The following RIGI variants were observed in gnomAD, a reference collection of about 807,000 sequenced individuals.
RIGI encodes the protein antiviral innate immune response receptor RIG-I.
At chr9:32,501,094 G>A in the RIGI span, among the ~76,000 whole-genome samples, 111 of 152,126 alleles carry the variant, frequency 7.3e-4, no homozygotes, top group African/African-American at 2.6e-3. Flanking sequence ...CAAAACCTCT[G>A]CCCAGGCCGA....
the RIGI span, among the ~76,000 whole-genome samples, chr9:32,506,318 C>T: frequency 6.6e-6 from 1 of 152,120 alleles, no homozygotes; most frequent in Non-Finnish European, 1.5e-5. Flanking sequence ...CTGTACTAAC[C>T]CTCCATCGAT....
chr9:32,465,797 A>C, the RIGI span, among the ~76,000 whole-genome samples: 7 of 152,226 alleles, frequency 4.6e-5, no homozygotes, highest in Non-Finnish European at 2.9e-5. Flanking sequence ...GACTTTCTCC[A>C]ATCTGATTTC....
At chr9:32,486,649 A>G in the RIGI span, among the ~76,000 whole-genome samples, 3 of 152,074 alleles carry the variant, frequency 2.0e-5, no homozygotes, top group Non-Finnish European at 4.4e-5. Context: ...AGTGATGTAC[A>G]AAGGAAGCAC....
chr9:32,464,338 T>C, the RIGI span, among the ~76,000 whole-genome samples: 1 of 152,246 alleles, frequency 6.6e-6, no homozygotes, highest in South Asian at 2.1e-4. Flanking sequence ...TAATTCCCTT[T>C]AGTCTTAAGA....
chr9:32,491,063 A>T, the RIGI span, among the ~76,000 whole-genome samples: 2 of 152,320 alleles, frequency 1.3e-5, no homozygotes, highest in Admixed American at 1.3e-4. Flanking sequence ...ATACTTTCTT[A>T]GTGGTAGAAG....
At chr9:32,491,705 G>A in the RIGI span, among the ~76,000 whole-genome samples, 1 of 109,270 alleles carries the variant, frequency 9.2e-6, no homozygotes. Context: ...GGAGGGATTC[G>A]TATGCACCAA....
chr9:32,496,221 G>A, the RIGI span, among the ~76,000 whole-genome samples: 2 of 152,086 alleles, frequency 1.3e-5, no homozygotes, highest in South Asian at 4.2e-4. Flanking sequence ...ATAGTTTTAG[G>A]TCTTATATTT....
At chr9:32,468,017 T>A in the RIGI span, 2 of 1,264,938 alleles carry the variant, frequency 1.6e-6, no homozygotes, top group Non-Finnish European at 2.2e-6. Context: ...ATGGAATGCT[T>A]ATTATATGCC....
At chr9:32,498,982 C>CAAAA in the RIGI span, among the ~76,000 whole-genome samples, 1 of 97,586 alleles carries the variant, frequency 1.0e-5, no homozygotes, top group Non-Finnish European at 2.0e-5. Flanking sequence ...GACTCTGTCT[C>CAAAA]AAAAAAAAAA....
At chr9:32,525,050 T>C in the RIGI span, among the ~76,000 whole-genome samples, 1 of 152,174 alleles carries the variant, frequency 6.6e-6, no homozygotes, top group Non-Finnish European at 1.5e-5. Flanking sequence ...AATTATTTAT[T>C]GAGAAATCTA....
chr9:32,506,416 C>A, the RIGI span, among the ~76,000 whole-genome samples: 1 of 152,256 alleles, frequency 6.6e-6, no homozygotes, highest in East Asian at 1.9e-4. Flanking sequence ...ACAGACCAAA[C>A]AAACAAACTT....
At chr9:32,505,556 T>G in the RIGI span, among the ~76,000 whole-genome samples, 2 of 152,192 alleles carry the variant, frequency 1.3e-5, no homozygotes, top group Admixed American at 1.3e-4. Context: ...TTCATATCAT[T>G]TCAGCATTTT....
At chr9:32,504,779 T>C in the RIGI span, among the ~76,000 whole-genome samples, 1 of 137,024 alleles carries the variant, frequency 7.3e-6, no homozygotes, top group African/African-American at 2.7e-5. Context: ...ATACATAAAA[T>C]ATATAAAATA....
At chr9:32,500,006 G>A in the RIGI span, among the ~76,000 whole-genome samples, 1 of 152,134 alleles carries the variant, frequency 6.6e-6, no homozygotes, top group African/African-American at 2.4e-5. Flanking sequence ...TCTTTTCTCA[G>A]TGATGTCTAA....
At chr9:32,523,023 C>A in the RIGI span, among the ~76,000 whole-genome samples, 1 of 152,126 alleles carries the variant, frequency 6.6e-6, no homozygotes. Context: ...AGACACCAGG[C>A]CCCTCATTTA....
the RIGI span, chr9:32,457,101 C>T: frequency 6.3e-7 from 1 of 1,596,928 alleles, no homozygotes; most frequent in East Asian, 2.2e-5. Flanking sequence ...TTCCCTGTAG[C>T]TGAAGATTGA....
chr9:32,481,403 C>T, the RIGI span: 1 of 1,613,646 alleles, frequency 6.2e-7, no homozygotes, highest in Non-Finnish European at 8.5e-7. Flanking sequence ...CTTTGTCTGG[C>T]ATCTGGAACA....
chr9:32,486,136 T>C, the RIGI span, among the ~76,000 whole-genome samples: 1 of 152,118 alleles, frequency 6.6e-6, no homozygotes, highest in African/African-American at 2.4e-5. Context: ...TAACTAACCG[T>C]AGCAGTTCTC....
chr9:32,526,109 G>C, the RIGI span: 1 of 1,613,962 alleles, frequency 6.2e-7, no homozygotes, highest in Non-Finnish European at 8.5e-7. Flanking sequence ...GTAGGGTCCA[G>C]GGTCTTCCGG....
Sources: gnomAD v4.1 joint callset for allele counts (sites outside exome capture counted in the v4.1 genomes callset) on GRCh38, gnomAD v4.1.1 for gene constraint, MANE v1.5 for transcripts, NCBI Gene and HGNC (gene_info 2026-07-23, HGNC 2026-07-21) for gene names.